GRIN2B: variants seen among roughly 807,000 people sequenced by gnomAD.
GRIN2B encodes the protein glutamate ionotropic receptor NMDA type subunit 2B.
Under a neutral mutation model 114.5 loss-of-function variants are expected in GRIN2B, and 5 were observed. The observed-to-expected ratio is 0.04, with a 90% CI of 0.02 to 0.09. The LOEUF is 0.09. Among genes scored for constraint, GRIN2B ranks in the 10% least tolerant of loss-of-function variants. The pLI, the probability that GRIN2B is intolerant of heterozygous loss-of-function variation, is 1.00. For synonymous variants in GRIN2B, 787 were observed against 745.1 expected (o/e 1.06, Z -0.92); for missense variants, 1,108 against 1,943.5 (o/e 0.57, Z 8.08).
intron 5 of GRIN2B, among the ~76,000 whole-genome samples, chr12:13,624,985 C>G (rs1187064036): frequency 6.6e-6 from 1 of 152,194 alleles, no homozygotes; most frequent in East Asian, 1.9e-4. Context: ...TTGATTCTCT[C>G]AGCACCAGAG....
chr12:13,847,850 T>C (rs116043518), intron 3 of GRIN2B, among the ~76,000 whole-genome samples: 2,716 of 152,198 alleles, frequency 0.018, 97 homozygotes, highest in African/African-American at 0.064. Flanking sequence ...GCCCTCTCTG[T>C]AGTGTGGATG....
intron 2 of GRIN2B, among the ~76,000 whole-genome samples, chr12:13,916,735 ATTTGTG>A (rs1866735006): frequency 9.8e-6 from 1 of 101,904 alleles, no homozygotes; most frequent in Non-Finnish European, 2.1e-5. Context: ...ACACACACAC[ATTTGTG>A]TGTGTGTGTG....
chr12:13,695,284 G>A (rs900269676), intron 4 of GRIN2B, among the ~76,000 whole-genome samples: 6 of 152,172 alleles, frequency 3.9e-5, no homozygotes, highest in African/African-American at 1.4e-4. Flanking sequence ...GCCAAACACT[G>A]GCCTGCCACT....
At chr12:13,595,688 C>A (rs1011347493) in intron 10 of GRIN2B, among the ~76,000 whole-genome samples, 1 of 152,148 alleles carries the variant, frequency 6.6e-6, no homozygotes, top group African/African-American at 2.4e-5. Context: ...GCAGCCTCTC[C>A]TCATTAGCAA....
At chr12:13,572,090 C>T in intron 10 of GRIN2B, 126 bp from the exon 11 acceptor site, 1 of 766,464 alleles carries the variant, frequency 1.3e-6, no homozygotes, top group Non-Finnish European at 2.2e-6. Flanking sequence ...ATGGAAGGGA[C>T]CCAACTATAA....
At chr12:13,865,075 G>T (rs2136746070) in intron 3 of GRIN2B, among the ~76,000 whole-genome samples, 1 of 152,314 alleles carries the variant, frequency 6.6e-6, no homozygotes. Flanking sequence ...TATGACATTT[G>T]TATCTTCAAG....
At chr12:13,762,623 G>C (rs934158356) in intron 3 of GRIN2B, among the ~76,000 whole-genome samples, 1 of 152,228 alleles carries the variant, frequency 6.6e-6, no homozygotes, top group African/African-American at 2.4e-5. Context: ...AGCTATGAGT[G>C]CTAGTACCTC....
At chr12:13,651,130 A>G (rs374773740) in intron 5 of GRIN2B, among the ~76,000 whole-genome samples, 1 of 152,100 alleles carries the variant, frequency 6.6e-6, no homozygotes, top group Non-Finnish European at 1.5e-5. Flanking sequence ...CAAGAGAGAT[A>G]GCAAGAATAC....
At chr12:13,971,210 A>G (rs9645754) in intron 2 of GRIN2B, among the ~76,000 whole-genome samples, 28,829 of 152,140 alleles carry the variant, frequency 0.19, 3,590 homozygotes, top group Non-Finnish European at 0.27. Context: ...CAGAGTCCAA[A>G]CCACACTCAT....
chr12:13,611,110 C>A (rs1386342905), intron 9 of GRIN2B, among the ~76,000 whole-genome samples: 1 of 152,220 alleles, frequency 6.6e-6, no homozygotes, highest in Non-Finnish European at 1.5e-5. Context: ...GCAGCCCTCA[C>A]ATCTCTAGGT....
intron 2 of GRIN2B, among the ~76,000 whole-genome samples, chr12:13,876,824 C>A (rs149479875): frequency 6.6e-6 from 1 of 152,050 alleles, no homozygotes; most frequent in Admixed American, 6.5e-5. Flanking sequence ...TCTTATTTAT[C>A]TATCTCCAGT....
intron 4 of GRIN2B, among the ~76,000 whole-genome samples, chr12:13,723,658 G>A (rs983512419): frequency 6.6e-6 from 1 of 152,050 alleles, no homozygotes; most frequent in Non-Finnish European, 1.5e-5. Flanking sequence ...TTCCTAGTAT[G>A]TTCATTCTTT....
chr12:13,653,197 C>T (rs1051987276), intron 5 of GRIN2B, among the ~76,000 whole-genome samples: 4 of 152,014 alleles, frequency 2.6e-5, no homozygotes, highest in African/African-American at 4.8e-5. Context: ...CAGCTTTCTA[C>T]CTTGGACAGT....
chr12:13,830,364 T>C (rs1269408480), intron 3 of GRIN2B, among the ~76,000 whole-genome samples: 14 of 152,154 alleles, frequency 9.2e-5, no homozygotes, highest in Non-Finnish European at 1.5e-4. Context: ...CTTTGAGAAA[T>C]AAGTCTTTTT....
intron 4 of GRIN2B, among the ~76,000 whole-genome samples, chr12:13,750,445 G>A (rs2136625868): frequency 6.6e-6 from 1 of 152,354 alleles, no homozygotes; most frequent in East Asian, 1.9e-4. Flanking sequence ...TTACCCAGCA[G>A]AAGTTTTAAG....
At chr12:13,663,508 G>A (rs1949944743) in intron 5 of GRIN2B, among the ~76,000 whole-genome samples, 1 of 152,158 alleles carries the variant, frequency 6.6e-6, no homozygotes, top group South Asian at 2.1e-4. Context: ...CCCACAATGT[G>A]CTATATCAAA....
intron 10 of GRIN2B, among the ~76,000 whole-genome samples, chr12:13,585,401 G>A (rs1948906270): frequency 6.6e-6 from 1 of 152,188 alleles, no homozygotes; most frequent in Non-Finnish European, 1.5e-5. Flanking sequence ...GCCAGCATGT[G>A]TACTTACTGT....
rs11055691 is a variant in GRIN2B, at chr12:13,936,121, A to G, written c.-19+43807T>C. ...CCATGAGTCCAAGATGAGGTCCTCTATGAATTCATGGCTGAGGGCTGAGTT... is the reference window on the plus strand; with the variant it reads ...CCATGAGTCCAAGATGAGGTCCTCTGTGAATTCATGGCTGAGGGCTGAGTT... On this transcript the variant is annotated intron_variant, in intron 2 of 13. Coordinates refer to ENST00000609686, the MANE Select transcript of GRIN2B (RefSeq NM_000834.5). 3.3e-5 allele frequency among the ~76,000 whole-genome samples: 5 copies of G among 152,292 alleles called. No homozygotes were observed. The East Asian group carries it at 7.7e-4, about 24-fold the overall frequency.
chr12:13,575,673 CAATAAT>C lies in GRIN2B; in HGVS notation c.2011-3715_2011-3710del, dbSNP rs58985272. Among the ~76,000 whole-genome samples, 20 of 147,690 alleles carry C rather than the reference CAATAAT, an allele frequency of 1.4e-4. 1 individual carries two copies. The highest frequency in any genetic ancestry group is 8.7e-4 in the South Asian group (4 of 4,606). ...GACCCTGTCTCCAAAATGATAACAA[CAATAAT>C]AATAATAATAATAATAATCAAAATA... is the stretch of plus-strand genomic sequence containing the variant. On this transcript the variant is annotated intron_variant, in intron 10 of 13. Transcript: ENST00000609686.
Sources: allele counts gnomAD v4.1 joint callset (sites outside exome capture counted in the v4.1 genomes callset), GRCh38; gene constraint gnomAD v4.1.1; transcripts MANE v1.5; gene names NCBI Gene and HGNC (gene_info 2026-07-23, HGNC 2026-07-21).